The following HMGA2 variants were observed in gnomAD, a reference collection of about 807,000 sequenced individuals.
The protein encoded by HMGA2 is high mobility group AT-hook 2, also known as high mobility group protein HMGI-C.
Under a neutral mutation model 19.1 loss-of-function variants are expected in HMGA2, and 8 were observed. That is an observed-to-expected ratio of 0.42 (90% CI 0.25 to 0.76). The LOEUF (loss-of-function observed/expected upper bound fraction) is 0.76. HMGA2 is among the 30% of genes least tolerant of loss of function. The pLI is 0.28. For missense variants in HMGA2, 109 were observed against 136.3 expected (o/e 0.80, Z 1.00); for synonymous variants, 60 against 48.8 (o/e 1.23, Z -0.96).
chr12:65,911,603 A>G (rs745607192), intron 3 of HMGA2, among the ~76,000 whole-genome samples: 1 of 152,144 alleles, frequency 6.6e-6, no homozygotes, highest in Non-Finnish European at 1.5e-5. Flanking sequence ...TTCTCTTAGC[A>G]TGTTCGATTC....
intron 3 of HMGA2, among the ~76,000 whole-genome samples, chr12:65,913,781 CT>C (rs1874950165): frequency 6.6e-6 from 1 of 152,170 alleles, no homozygotes; most frequent in Non-Finnish European, 1.5e-5. Context: ...GGACCTGTCT[CT>C]CAGGGTCCCC....
At chr12:65,949,219 A>G (rs1324023578) in intron 3 of HMGA2, among the ~76,000 whole-genome samples, 1 of 152,022 alleles carries the variant, frequency 6.6e-6, no homozygotes, top group Non-Finnish European at 1.5e-5. Flanking sequence ...AAATGGAAGA[A>G]CGTCTTTTCC....
At chr12:65,854,231 A>G (rs1039973271) in intron 3 of HMGA2, among the ~76,000 whole-genome samples, 1 of 152,248 alleles carries the variant, frequency 6.6e-6, no homozygotes, top group Admixed American at 6.5e-5. Context: ...AAACATCAAT[A>G]TAGAAAGGAA....
In HMGA2 at chr12:65,911,615, A is replaced by T. The variant is rs139216782; in HGVS notation, c.250-39768A>T. ...CTATTCTCTTAGCATGTTCGATTCC[A>T]CAAACACGGCTTATTCCAAAAGCCA... is the stretch of plus-strand genomic sequence containing the variant. On this transcript the variant is annotated intron_variant, in intron 3 of 4. Transcript: ENST00000403681. Among the ~76,000 whole-genome samples the T allele has an allele frequency of 1.1e-4, 17 of 152,252 alleles. No individual in the cohort carries two copies. The East Asian group carries it at 2.3e-3, about 21-fold the overall frequency.
intron 3 of HMGA2, among the ~76,000 whole-genome samples, chr12:65,900,340 C>G (rs1874320869): frequency 6.6e-6 from 1 of 152,156 alleles, no homozygotes; most frequent in Admixed American, 6.5e-5. Context: ...TGGCACGCTA[C>G]TATTCCAAGG....
intron 3 of HMGA2, among the ~76,000 whole-genome samples, chr12:65,872,437 T>C (rs1466646017): frequency 6.6e-6 from 1 of 152,198 alleles, no homozygotes; most frequent in Non-Finnish European, 1.5e-5. Context: ...TCATTCCATG[T>C]GTTCATTCTG....
At chr12:65,894,894 A>T (rs543316512) in intron 3 of HMGA2, among the ~76,000 whole-genome samples, 11 of 152,168 alleles carry the variant, frequency 7.2e-5, no homozygotes, top group Non-Finnish European at 7.4e-5. Context: ...ATATGATTAC[A>T]TGGGCAAATA....
intron 3 of HMGA2, among the ~76,000 whole-genome samples, chr12:65,876,393 T>A (rs1592411152): frequency 1.3e-5 from 2 of 152,324 alleles, no homozygotes; most frequent in East Asian, 3.9e-4. Context: ...ATTAGTCACA[T>A]CTATTAAAAC....
At chr12:65,897,919 G>A (rs1381523042) in intron 3 of HMGA2, among the ~76,000 whole-genome samples, 5 of 150,686 alleles carry the variant, frequency 3.3e-5, no homozygotes, top group Non-Finnish European at 5.9e-5. Flanking sequence ...AGCTGAGATC[G>A]CGCCATTGCA....
intron 3 of HMGA2, among the ~76,000 whole-genome samples, chr12:65,917,146 G>A (rs1036665372): frequency 6.6e-6 from 1 of 152,090 alleles, no homozygotes; most frequent in Non-Finnish European, 1.5e-5. Context: ...GATGGGCTAG[G>A]AGCCCCTGGC....
intron 3 of HMGA2, among the ~76,000 whole-genome samples, chr12:65,926,713 T>C (rs912064335): frequency 2.0e-5 from 3 of 152,214 alleles, no homozygotes; most frequent in Non-Finnish European, 2.9e-5. Context: ...ACAGTCTCAT[T>C]AACCATGAAG....
intron 3 of HMGA2, among the ~76,000 whole-genome samples, chr12:65,870,280 C>T (rs895598389): frequency 6.6e-6 from 1 of 152,144 alleles, no homozygotes; most frequent in African/African-American, 2.4e-5. Flanking sequence ...CTTGTACGAG[C>T]CTTGTAAGGT....
chr12:65,868,576 A>C (rs1872553063), intron 3 of HMGA2, among the ~76,000 whole-genome samples: 2 of 152,184 alleles, frequency 1.3e-5, no homozygotes, highest in South Asian at 4.1e-4. Context: ...AATATGGAGA[A>C]AATGTGAAGC....
At chr12:65,916,292 G>A (rs58123224) in intron 3 of HMGA2, among the ~76,000 whole-genome samples, 2,225 of 152,266 alleles carry the variant, frequency 0.015, 54 homozygotes, top group African/African-American at 0.051. Flanking sequence ...AAAAAAGTGT[G>A]TAAAAAGGGA....
chr12:65,911,651 T>C (rs897859618), intron 3 of HMGA2, among the ~76,000 whole-genome samples: 1 of 152,206 alleles, frequency 6.6e-6, no homozygotes, highest in African/African-American at 2.4e-5. Context: ...ATCCTCCTAA[T>C]GAGCATTCGG....
intron 3 of HMGA2, among the ~76,000 whole-genome samples, chr12:65,891,397 T>A (rs559990465): frequency 6.6e-6 from 1 of 152,284 alleles, no homozygotes; most frequent in African/African-American, 2.4e-5. Flanking sequence ...ATTCATGATG[T>A]TGAACTACAA....
chr12:65,843,767 G>T (rs1871113179), intron 3 of HMGA2, among the ~76,000 whole-genome samples: 1 of 152,046 alleles, frequency 6.6e-6, no homozygotes, highest in African/African-American at 2.4e-5. Context: ...TGTTGAAAGT[G>T]GCTGGGCATG....
intron 3 of HMGA2, among the ~76,000 whole-genome samples, chr12:65,852,995 T>C (rs929819511): frequency 3.3e-5 from 5 of 152,090 alleles, no homozygotes; most frequent in Non-Finnish European, 7.4e-5. Context: ...CTTTGGGACA[T>C]TGAGGATGGC....
At chr12:65,922,731 C>A (rs759449270) in intron 3 of HMGA2, among the ~76,000 whole-genome samples, 2 of 152,074 alleles carry the variant, frequency 1.3e-5, no homozygotes, top group Non-Finnish European at 2.9e-5. Flanking sequence ...TTGGCTGTGT[C>A]CCCACCCAAT....
Sources: gnomAD v4.1 joint callset for allele counts (sites outside exome capture counted in the v4.1 genomes callset) on GRCh38, gnomAD v4.1.1 for gene constraint, MANE v1.5 for transcripts, NCBI Gene and HGNC (gene_info 2026-07-23, HGNC 2026-07-21) for gene names.